The following SOCS7 variants were observed in gnomAD, a reference collection of about 807,000 sequenced individuals.
SOCS7 encodes the protein NAP-4.
Under a neutral mutation model 58.9 loss-of-function variants are expected in SOCS7, and 18 were observed. The ratio of observed to expected loss-of-function variants is 0.31; its 90% confidence interval spans 0.21 to 0.45. The LOEUF is 0.45. Among genes scored for constraint, SOCS7 ranks in the 20% least tolerant of loss-of-function variants. SOCS7 has a pLI of 1.00. For missense variants in SOCS7, 667 were observed against 837.3 expected (o/e 0.80, Z 2.51); for synonymous variants, 388 against 364.3 (o/e 1.06, Z -0.74).
chr17:38,396,094 T>G (rs543750640), intron 9 of SOCS7, 96 bp downstream of exon 9: 2 of 1,026,822 alleles, frequency 1.9e-6, no homozygotes, highest in Admixed American at 6.7e-5. Flanking sequence ...ACTCCCAACA[T>G]GGATAGCCCC....
rs58329812 is a variant in SOCS7 at position 38,389,690 on chromosome 17, CT to C, written c.1682-5603del. 4.0e-3 allele frequency among the ~76,000 whole-genome samples: 498 copies of C among 124,822 alleles called. 4 individuals are homozygous for C. Among genetic ancestry groups the C allele is most frequent in the African/African-American group, 0.01 (352 of 34,404 alleles). The allele number at this position is 124,822 out of a possible 152,430, so 81.9% of individuals were successfully genotyped here. Reference sequence around the variant, plus strand: ...GGATTTTGATGAGTTCCTATTCCAACTTTTTTTTTTTTTTTTGCTTGTTATA... The same window carrying C: ...GGATTTTGATGAGTTCCTATTCCAACTTTTTTTTTTTTTTTGCTTGTTATA... On this transcript the variant is annotated intron_variant, in intron 7 of 9. Transcript: ENST00000612932.
At chr17:38,369,798 T>G (rs1181486235) in intron 6 of SOCS7, among the ~76,000 whole-genome samples, 1 of 151,290 alleles carries the variant, frequency 6.6e-6, no homozygotes, top group East Asian at 1.9e-4. Context: ...TTTGTTTGTT[T>G]TTTTTTTTTT....
intron 1 of SOCS7, among the ~76,000 whole-genome samples, chr17:38,356,409 A>G (rs977934819): frequency 2.0e-5 from 3 of 148,274 alleles, no homozygotes; most frequent in Admixed American, 6.7e-5. Flanking sequence ...ATGGAGTCTC[A>G]CTCTGTTGCC....
intron 3 of SOCS7, 87 bp from the exon 4 acceptor site, chr17:38,365,221 T>C: frequency 1.0e-6 from 1 of 984,712 alleles, no homozygotes; most frequent in Admixed American, 2.3e-5. Flanking sequence ...GAGGGCAGCC[T>C]GATAGTCCTT....
At chr17:38,398,522 C>T (rs1250354478) in intron 9 of SOCS7, among the ~76,000 whole-genome samples, 1 of 152,116 alleles carries the variant, frequency 6.6e-6, no homozygotes, top group Non-Finnish European at 1.5e-5. Context: ...TCTGGGATTA[C>T]AGGCATGAGC....
intron 1 of SOCS7, 73 bp downstream of exon 1, chr17:38,353,105 C>A: frequency 2.9e-6 from 4 of 1,357,542 alleles, no homozygotes; most frequent in Non-Finnish European, 3.9e-6. Context: ...ATTGCTATCG[C>A]GATCCTGACA....
At chr17:38,392,034 C>T (rs185429673) in intron 7 of SOCS7, among the ~76,000 whole-genome samples, 194 of 152,278 alleles carry the variant, frequency 1.3e-3, no homozygotes, top group African/African-American at 4.5e-3. Context: ...AAGTTACTGA[C>T]GATTAATGTT....
intron 6 of SOCS7, among the ~76,000 whole-genome samples, chr17:38,373,663 T>TG (rs1422687045): frequency 1.3e-5 from 2 of 152,234 alleles, no homozygotes; most frequent in African/African-American, 4.8e-5. Flanking sequence ...GGAAGTACCT[T>TG]GCCAGTAAGG....
At chr17:38,390,935 A>G (rs981354481) in intron 7 of SOCS7, among the ~76,000 whole-genome samples, 2 of 152,072 alleles carry the variant, frequency 1.3e-5, no homozygotes, top group African/African-American at 4.8e-5. Context: ...GGCTCAAGCC[A>G]TCCACCTTGC....
At chr17:38,366,133 C>T in intron 4 of SOCS7, 154 bp from the exon 5 acceptor site, 3 of 1,279,448 alleles carry the variant, frequency 2.3e-6, no homozygotes, top group Non-Finnish European at 3.1e-6. Flanking sequence ...CCAGCCCATC[C>T]AGCTCTTTGC....
chr17:38,395,698 T>C, intron 8 of SOCS7, 150 bp from the exon 9 acceptor site: 1 of 889,446 alleles, frequency 1.1e-6, no homozygotes, highest in Non-Finnish European at 1.7e-6. Context: ...GTGGTAAGAG[T>C]AAGGAAGACA....
chr17:38,353,904 T>G (rs2037597030), intron 1 of SOCS7, among the ~76,000 whole-genome samples: 2 of 152,204 alleles, frequency 1.3e-5, no homozygotes, highest in Non-Finnish European at 2.9e-5. Flanking sequence ...CCAGCTTGCG[T>G]GACAGAGTGA....
rs760910480 is a variant in SOCS7 at position 38,352,513 on chromosome 17, C to G, written c.461C>G (p.Pro154Arg). Residue 154 changes from proline (P) to arginine (R), a missense_variant, in exon 1 of 10, where the codon CCC becomes CGC. Coordinates refer to ENST00000612932, the MANE Select transcript of SOCS7 (RefSeq NM_014598.4). The surrounding 1 kb of genome is among the most constrained non-coding windows in gnomAD (Gnocchi z 5.5). Reference protein sequence around the residue: ...CCPCPCPPQPPPPQPQPPAAA... With the variant: ...CCPCPCPPQPRPPQPQPPAAA... ...CCGTGTCCGTGTCCTCCTCAGCCGC[C>G]CCCTCCGCAGCCCCAGCCGCCTGCT... 74 of 1,544,994 alleles carry G rather than the reference C, an allele frequency of 4.8e-5. No homozygotes were observed. Among genetic ancestry groups the G allele is most frequent in the Middle Eastern group, 1.7e-4 (1 of 5,836 alleles).
At position 38,365,665 on chromosome 17, in the gene SOCS7, G is replaced by C. The variant is rs587621728; in HGVS notation, c.1252+256G>C. On this transcript the variant is annotated intron_variant, in intron 4 of 9. Coordinates refer to ENST00000612932, the MANE Select transcript of SOCS7 (RefSeq NM_014598.4). ...GAATTTTTCATCAGTCTTTGCTGCT[G>C]AGACTGTTTTGCAATCCTTGAGTAG... 1.3e-5 allele frequency: 5 copies of C among 373,434 alleles called. No homozygotes were observed. In the Admixed American group the frequency reaches 2.3e-4, roughly 17 times the overall value. 23.1% of individuals were successfully genotyped at this position (373,434 alleles called of 1,614,324 possible). A position where few individuals can be genotyped will look rare whatever the true frequency, so the allele number is the denominator to read the frequency against.
chr17:38,399,191 A>G (rs1451032621), intron 9 of SOCS7, among the ~76,000 whole-genome samples: 1 of 152,154 alleles, frequency 6.6e-6, no homozygotes. Flanking sequence ...CCCTAGAGCA[A>G]TTGAGCCTCA....
At chr17:38,355,696 A>G (rs2037627872) in intron 1 of SOCS7, among the ~76,000 whole-genome samples, 1 of 152,146 alleles carries the variant, frequency 6.6e-6, no homozygotes, top group Non-Finnish European at 1.5e-5. Context: ...CTTTTGCAGT[A>G]ACCTCTGGGC....
At chr17:38,392,140 T>C (rs1221467068) in intron 7 of SOCS7, among the ~76,000 whole-genome samples, 1 of 152,236 alleles carries the variant, frequency 6.6e-6, no homozygotes, top group Non-Finnish European at 1.5e-5. Flanking sequence ...ATGTGAGAGT[T>C]CTAATTGTTT....
intron 9 of SOCS7, among the ~76,000 whole-genome samples, chr17:38,399,102 A>AG (rs1304419715): frequency 3.3e-5 from 5 of 150,082 alleles, no homozygotes; most frequent in Non-Finnish European, 7.4e-5. Context: ...AAAAAAAAAA[A>AG]AAAGAAAGAA....
At chr17:38,357,221 G>C (rs778574825) in intron 1 of SOCS7, among the ~76,000 whole-genome samples, 2 of 152,210 alleles carry the variant, frequency 1.3e-5, no homozygotes, top group Non-Finnish European at 2.9e-5. Flanking sequence ...GTATCCTTGG[G>C]TCTTCAGGTC....
Sources: gnomAD v4.1 joint callset for allele counts (sites outside exome capture counted in the v4.1 genomes callset) on GRCh38, gnomAD v4.1.1 for gene constraint, Gnocchi (gnomAD v3.1) non-coding constraint, MANE v1.5 for transcripts, NCBI Gene and HGNC (gene_info 2026-07-23, HGNC 2026-07-21) for gene names.